TMTC2: variants seen among roughly 807,000 people sequenced by gnomAD.
TMTC2 encodes transmembrane O-mannosyltransferase targeting cadherins 2.
A neutral mutation model predicts 82.4 loss-of-function variants in TMTC2; 43 were observed. The ratio of observed to expected loss-of-function variants is 0.52; its 90% CI spans 0.41 to 0.67. TMTC2 has a LOEUF of 0.67. Ranked by LOEUF, TMTC2 falls within the 30% of genes least tolerant of loss-of-function variation. The pLI is 0.00. For synonymous variants in TMTC2, 408 were observed against 381.9 expected, an observed-to-expected ratio of 1.07 and a Z score of -0.80; for missense variants, 919 against 1,012.4, an observed-to-expected ratio of 0.91 and a Z score of 1.25.
chr12:82,842,350 G>A (rs542248030), intron 1 of TMTC2, among the ~76,000 whole-genome samples: 213 of 152,264 alleles, frequency 1.4e-3, no homozygotes, highest in African/African-American at 4.8e-3. Flanking sequence ...GCCCCATTGA[G>A]TGATTCAAAT....
chr12:82,690,560 A>G (rs1872530321), intron 1 of TMTC2: 1 of 241,208 alleles, frequency 4.1e-6, no homozygotes, highest in South Asian at 1.5e-4. Context: ...AGCACAATCA[A>G]TTTCTCTATG....
intron 4 of TMTC2, among the ~76,000 whole-genome samples, chr12:82,951,311 A>C (rs1259150845): frequency 7.3e-6 from 1 of 137,436 alleles, no homozygotes; most frequent in African/African-American, 2.7e-5. Flanking sequence ...TTTTTTTTTG[A>C]AATGGAGTCT....
intron 11 of TMTC2, among the ~76,000 whole-genome samples, chr12:83,064,957 C>G (rs1565874927): frequency 6.6e-6 from 1 of 151,904 alleles, no homozygotes; most frequent in Non-Finnish European, 1.5e-5. Context: ...GTTCCATTGT[C>G]TTTTCTAGTT....
chr12:83,014,882 C>T (rs755740504), intron 8 of TMTC2, among the ~76,000 whole-genome samples: 35 of 152,130 alleles, frequency 2.3e-4, no homozygotes, highest in Admixed American at 4.6e-4. Flanking sequence ...CTGTAACATG[C>T]ACTGTTGTCA....
chr12:83,001,693 G>A lies in TMTC2; in HGVS notation c.2070+15647G>A, dbSNP rs145160953. Among the ~76,000 whole-genome samples, 591 of 149,000 alleles carry A rather than the reference G, an allele frequency of 4.0e-3. 5 individuals are homozygous for A. Among genetic ancestry groups the A allele is most frequent in the African/African-American group, 0.014 (569 of 40,544 alleles). On this transcript the variant is annotated intron_variant, in intron 8 of 11. Transcript: ENST00000321196. Reference sequence around the variant, plus strand: ...TAATGTCTTCCACCAGATACCCGAAGTCATCTCTCTCAAGTTCAAAGTTTC... The same window carrying A: ...TAATGTCTTCCACCAGATACCCGAAATCATCTCTCTCAAGTTCAAAGTTTC...
intron 8 of TMTC2, among the ~76,000 whole-genome samples, chr12:83,007,454 T>C (rs1379825333): frequency 1.3e-5 from 2 of 152,194 alleles, no homozygotes; most frequent in Non-Finnish European, 2.9e-5. Flanking sequence ...TTAAAAATTT[T>C]CATGGTGGTT....
At chr12:82,707,440 A>G (rs895819286) in intron 1 of TMTC2, among the ~76,000 whole-genome samples, 3 of 152,226 alleles carry the variant, frequency 2.0e-5, no homozygotes, top group African/African-American at 4.8e-5. Flanking sequence ...CATGAGCACA[A>G]TTCAGGAAAG....
chr12:82,724,130 G>A (rs1224494665), intron 1 of TMTC2, among the ~76,000 whole-genome samples: 3 of 152,162 alleles, frequency 2.0e-5, no homozygotes, highest in Admixed American at 6.5e-5. Flanking sequence ...TCACGTTTGA[G>A]CATAGGGCAT....
rs539558865 is a variant in TMTC2 at position 83,096,849 on chromosome 12, C to A, written c.2331+35018C>A. 1.8e-3 allele frequency among the ~76,000 whole-genome samples: 281 copies of A among 152,284 alleles called. 2 individuals carry two copies. Among genetic ancestry groups the A allele is most frequent in the Non-Finnish European group, 3.3e-3 (226 of 68,026 alleles). On this transcript the variant is annotated intron_variant, in intron 11 of 11. Transcript: ENST00000321196. The stretch of plus-strand genomic sequence containing the variant: ...CCTTCCTCACCTATTAGTTTCTACT[C>A]ATTCATCTGATCTCAACAATTATTT...
At chr12:82,906,107 C>A (rs1874291221) in intron 3 of TMTC2, among the ~76,000 whole-genome samples, 1 of 152,022 alleles carries the variant, frequency 6.6e-6, no homozygotes, top group Non-Finnish European at 1.5e-5. Context: ...GTAGGAATAT[C>A]ATTTAGGAAA....
intron 2 of TMTC2, among the ~76,000 whole-genome samples, chr12:82,872,169 T>A (rs1334937873): frequency 6.6e-6 from 1 of 152,172 alleles, no homozygotes; most frequent in African/African-American, 2.4e-5. Flanking sequence ...GACCAGAGAC[T>A]GGATAGTCTT....
intron 3 of TMTC2, among the ~76,000 whole-genome samples, chr12:82,920,356 A>T (rs1284536411): frequency 2.0e-5 from 3 of 152,214 alleles, no homozygotes; most frequent in African/African-American, 7.2e-5. Flanking sequence ...GAAAAAATTT[A>T]GAGGTATTTA....
chr12:83,077,905 T>TTTA (rs1883341291), intron 11 of TMTC2, among the ~76,000 whole-genome samples: 1 of 148,622 alleles, frequency 6.7e-6, no homozygotes, highest in Non-Finnish European at 1.5e-5. Context: ...TTTTTTTTTT[T>TTTA]AACAGGGGCC....
In TMTC2 at chr12:83,003,017, T is replaced by A. The variant is rs1879996634; in HGVS notation, c.2070+16971T>A. On this transcript the variant is annotated intron_variant, in intron 8 of 11. Coordinates refer to ENST00000321196, the MANE Select transcript of TMTC2 (RefSeq NM_152588.3). Reference sequence around the variant, plus strand: ...TCTGTCTAACGCTGTCAGTGGGGAGTTAAAGCCTCCCACTATACTATATGG... The same window carrying A: ...TCTGTCTAACGCTGTCAGTGGGGAGATAAAGCCTCCCACTATACTATATGG... Among the ~76,000 whole-genome samples the A allele has an allele frequency of 2.0e-5, 3 of 152,068 alleles. No homozygotes were observed. In the South Asian group the frequency reaches 6.2e-4, roughly 32 times the overall value.
At chr12:82,901,258 T>C (rs1288039888) in intron 3 of TMTC2, among the ~76,000 whole-genome samples, 7 of 139,626 alleles carry the variant, frequency 5.0e-5, no homozygotes, top group Admixed American at 1.5e-4. Flanking sequence ...TATATATATA[T>C]CTGGAATATA....
At chr12:83,117,859 G>A (rs985919512) in intron 11 of TMTC2, among the ~76,000 whole-genome samples, 13 of 151,634 alleles carry the variant, frequency 8.6e-5, no homozygotes, top group African/African-American at 3.1e-4. Flanking sequence ...TCTTTGTAGA[G>A]GTCCTTCACC....
At chr12:83,043,786 T>TG (rs1191234262) in intron 9 of TMTC2, among the ~76,000 whole-genome samples, 1 of 152,194 alleles carries the variant, frequency 6.6e-6, no homozygotes, top group East Asian at 1.9e-4. Context: ...AATATTAATT[T>TG]GGGGGGTATA....
In TMTC2 at chr12:82,759,371, C is replaced by T. The variant is rs921579325; in HGVS notation, c.83+71702C>T. 5.3e-5 allele frequency: 8 copies of T among 152,166 alleles called. No individual in the cohort carries two copies. In the South Asian group the frequency reaches 6.2e-4, roughly 12 times the overall value. The allele number at this position is 152,166 out of a possible 1,614,324, so 9.4% of individuals were successfully genotyped here. Reference sequence around the variant, plus strand: ...ATAAGAATTTAAAGGAACATTTACCCTCATCTTTAAAATGTATCTTAAAAG... The same window carrying T: ...ATAAGAATTTAAAGGAACATTTACCTTCATCTTTAAAATGTATCTTAAAAG... On this transcript the variant is annotated intron_variant, in intron 1 of 11. Transcript: ENST00000321196.
chr12:83,037,285 A>G (rs1462358982), intron 9 of TMTC2, among the ~76,000 whole-genome samples: 1 of 152,100 alleles, frequency 6.6e-6, no homozygotes, highest in African/African-American at 2.4e-5. Flanking sequence ...GGCCTGTATT[A>G]TTTTTTATTA....
Sources: allele counts gnomAD v4.1 joint callset (sites outside exome capture counted in the v4.1 genomes callset), GRCh38; gene constraint gnomAD v4.1.1; transcripts MANE v1.5; gene names NCBI Gene and HGNC (gene_info 2026-07-23, HGNC 2026-07-21).